The following TAFA1 variants were observed in gnomAD, a reference collection of about 807,000 sequenced individuals.
TAFA1 encodes TAFA chemokine like family member 1, also known as chemokine-like protein TAFA-1.
In TAFA1, 4 loss-of-function variants were observed where a neutral mutation model predicts 18.5. The observed-to-expected ratio is 0.22, with a 90% CI of 0.11 to 0.49. The LOEUF (loss-of-function observed/expected upper bound fraction) is 0.49. Ranked by LOEUF, TAFA1 falls within the 20% of genes least tolerant of loss-of-function variation. TAFA1 has a pLI of 0.98. For missense variants in TAFA1, 147 were observed against 169.0 expected (o/e 0.87, Z 0.72); for synonymous variants, 56 against 55.2 (o/e 1.01, Z -0.06).
intron 2 of TAFA1, chr3:68,145,575 T>C (rs2065729058): frequency 4.7e-6 from 7 of 1,482,858 alleles, no homozygotes; most frequent in South Asian, 1.1e-5. Flanking sequence ...CTTCCCCCAA[T>C]ACCCAATGAA....
At chr3:68,264,011 G>T (rs774307236) in intron 2 of TAFA1, among the ~76,000 whole-genome samples, 6 of 152,026 alleles carry the variant, frequency 3.9e-5, no homozygotes, top group Non-Finnish European at 8.8e-5. Flanking sequence ...TAGATTTGAG[G>T]CTGGGCACAG....
Position 68,479,241 on chromosome 3 carries a change from A to AAAAAAAT in TAFA1, c.260-59514_260-59513insAAAAATA, listed in dbSNP as rs1353493315. On this transcript the variant is annotated intron_variant, in intron 3 of 4. Transcript: ENST00000478136. ...TGAGACTCCATCTCAAAAAAAAAAA[A>AAAAAAAT]ATATATATATATATATATATATGTC... 1.7e-3 allele frequency among the ~76,000 whole-genome samples: 206 copies of AAAAAAAT among 123,638 alleles called. 1 individual carries two copies. The highest frequency in any genetic ancestry group is 6.5e-3 in the African/African-American group (180 of 27,738). 81.1% of individuals were successfully genotyped at this position (123,638 alleles called of 152,430 possible).
At chr3:68,084,425 T>C in intron 2 of TAFA1, among the ~76,000 whole-genome samples, 1 of 152,154 alleles carries the variant, frequency 6.6e-6, no homozygotes, top group East Asian at 1.9e-4. Context: ...GCTTGGAAGA[T>C]CAGTCCAAAA....
chr3:68,419,122 C>G (rs1469659548), intron 3 of TAFA1, among the ~76,000 whole-genome samples: 1 of 152,162 alleles, frequency 6.6e-6, no homozygotes, highest in Non-Finnish European at 1.5e-5. Flanking sequence ...TGGCTTCCCT[C>G]AAAGTGAGTA....
intron 3 of TAFA1, among the ~76,000 whole-genome samples, chr3:68,433,900 G>T (rs1269600685): frequency 6.6e-6 from 1 of 152,138 alleles, no homozygotes; most frequent in Non-Finnish European, 1.5e-5. Context: ...CACTGTTAAA[G>T]TGGAGAAATT....
chr3:68,040,927 A>T (rs753708062), intron 2 of TAFA1, among the ~76,000 whole-genome samples: 1 of 152,208 alleles, frequency 6.6e-6, no homozygotes, highest in East Asian at 1.9e-4. Context: ...CTTTAATAAC[A>T]CATACATCGC....
chr3:68,487,483 T>C (rs1477359924), intron 3 of TAFA1, among the ~76,000 whole-genome samples: 3 of 152,036 alleles, frequency 2.0e-5, no homozygotes, highest in Non-Finnish European at 4.4e-5. Flanking sequence ...CGTGGTAGCT[T>C]ACACCTGTAA....
the TAFA1 span, among the ~76,000 whole-genome samples, chr3:67,993,297 C>G: frequency 1.3e-5 from 2 of 152,138 alleles, no homozygotes; most frequent in Non-Finnish European, 2.9e-5. Flanking sequence ...ATACAGCAAA[C>G]GAAGGAGACT....
rs377007942 is a variant in TAFA1 at position 68,111,780 on chromosome 3, A to AGAGAGAG, written c.118+105036_118+105037insGAGAGAG. ...AATAATCCATGACACACACATGAGA[A>AGAGAGAG]AGAGAGAGAGAGAGAGAGAGAGAAG... On this transcript the variant is annotated intron_variant, in intron 2 of 4. Coordinates refer to ENST00000478136, the MANE Select transcript of TAFA1 (RefSeq NM_213609.4). Among the ~76,000 whole-genome samples the AGAGAGAG allele has an allele frequency of 5.0e-3, 725 of 146,036 alleles. 5 individuals carry two copies. The highest frequency in any genetic ancestry group is 0.024 in the Middle Eastern group (7 of 292).
intron 2 of TAFA1, among the ~76,000 whole-genome samples, chr3:68,072,301 C>G (rs2064765131): frequency 1.3e-5 from 2 of 152,042 alleles, no homozygotes; most frequent in Admixed American, 1.3e-4. Context: ...CCTCGTGTGG[C>G]TTGAGTGTGA....
chr3:68,086,396 C>T (rs1308046056), intron 2 of TAFA1, among the ~76,000 whole-genome samples: 1 of 152,174 alleles, frequency 6.6e-6, no homozygotes, highest in Non-Finnish European at 1.5e-5. Context: ...AAGTTCTCTT[C>T]TTTCTCTTTG....
At chr3:68,094,080 G>T (rs2065058979) in intron 2 of TAFA1, among the ~76,000 whole-genome samples, 1 of 152,134 alleles carries the variant, frequency 6.6e-6, no homozygotes, top group African/African-American at 2.4e-5. Context: ...GATGATGCCT[G>T]TTCTTTCTCT....
At chr3:68,277,836 CT>C (rs1332889354) in intron 2 of TAFA1, among the ~76,000 whole-genome samples, 1 of 152,140 alleles carries the variant, frequency 6.6e-6, no homozygotes, top group African/African-American at 2.4e-5. Flanking sequence ...AGACATTTTC[CT>C]CTACTCAACA....
chr3:68,462,758 A>G (rs2071808384), intron 3 of TAFA1, among the ~76,000 whole-genome samples: 1 of 152,148 alleles, frequency 6.6e-6, no homozygotes, highest in Non-Finnish European at 1.5e-5. Flanking sequence ...ACGTGGAATT[A>G]TCTCCTTTGA....
intron 3 of TAFA1, among the ~76,000 whole-genome samples, chr3:68,482,049 C>T (rs941970618): frequency 4.6e-5 from 7 of 152,184 alleles, no homozygotes; most frequent in African/African-American, 7.2e-5. Context: ...CTCGCTCTGT[C>T]GCCCAGGCTG....
chr3:68,339,672 T>C (rs1177618457), intron 2 of TAFA1, among the ~76,000 whole-genome samples: 1 of 152,228 alleles, frequency 6.6e-6, no homozygotes, highest in Non-Finnish European at 1.5e-5. Context: ...TTTTTGAATA[T>C]GCTGTTGCCA....
At chr3:68,354,530 A>G (rs1293589964) in intron 2 of TAFA1, among the ~76,000 whole-genome samples, 1 of 152,042 alleles carries the variant, frequency 6.6e-6, no homozygotes, top group Non-Finnish European at 1.5e-5. Flanking sequence ...TACAGTGAAG[A>G]GAATATGAAA....
intron 3 of TAFA1, among the ~76,000 whole-genome samples, chr3:68,437,152 C>T (rs2071279783): frequency 6.6e-6 from 1 of 152,140 alleles, no homozygotes; most frequent in Non-Finnish European, 1.5e-5. Context: ...GCCACCAATG[C>T]ATCGCAAGTT....
At chr3:68,003,642 GGAA>G (rs10652271), upstream of TAFA1, among the ~76,000 whole-genome samples, 16,870 of 152,138 alleles carry the variant, frequency 0.11, 1,068 homozygotes, top group Middle Eastern at 0.14. Flanking sequence ...CGTAGTAAGA[GGAA>G]GAAGATGTTG....
Sources: allele counts gnomAD v4.1 joint callset (sites outside exome capture counted in the v4.1 genomes callset), GRCh38; gene constraint gnomAD v4.1.1; transcripts MANE v1.5; gene names NCBI Gene and HGNC (gene_info 2026-07-23, HGNC 2026-07-21).